PCDHAC1: variants seen among roughly 807,000 people sequenced by gnomAD.
PCDHAC1 encodes the protein protocadherin alpha-C1.
In PCDHAC1, 42 loss-of-function variants were observed where a neutral mutation model predicts 60.0. That is an observed-to-expected ratio of 0.70 (90% CI 0.55 to 0.90). PCDHAC1 has a LOEUF of 0.90. PCDHAC1 is among the 40% of genes least tolerant of loss of function. The pLI, the probability that PCDHAC1 is intolerant of heterozygous loss-of-function variation, is 0.00. For synonymous variants in PCDHAC1, 468 were observed against 499.3 expected (o/e 0.94, Z 0.84); for missense variants, 1,160 against 1,222.3 (o/e 0.95, Z 0.76).
At chr5:141,004,258 A>C (rs1164603441) in intron 3 of PCDHAC1, among the ~76,000 whole-genome samples, 1 of 152,232 alleles carries the variant, frequency 6.6e-6, no homozygotes, top group Non-Finnish European at 1.5e-5. Flanking sequence ...TTTTACTGGA[A>C]TGAGTCACAG....
chr5:140,953,601 C>T (rs1448878513), intron 1 of PCDHAC1, among the ~76,000 whole-genome samples: 3 of 152,014 alleles, frequency 2.0e-5, no homozygotes, highest in Non-Finnish European at 4.4e-5. Flanking sequence ...TTGTTTATTC[C>T]CCAGAGTCCT....
chr5:140,955,001 A>G (rs551398126), intron 1 of PCDHAC1, among the ~76,000 whole-genome samples: 101 of 152,200 alleles, frequency 6.6e-4, no homozygotes, highest in Middle Eastern at 6.8e-3. Flanking sequence ...TGGCTAGCCA[A>G]TTCTCCCAGC....
intron 1 of PCDHAC1, among the ~76,000 whole-genome samples, chr5:140,958,822 A>G (rs1554223658): frequency 6.6e-6 from 1 of 152,146 alleles, no homozygotes; most frequent in Non-Finnish European, 1.5e-5. Context: ...TTTAATTTTT[A>G]TATCTTAAAG....
In PCDHAC1 at chr5:140,928,228, C is replaced by A. The variant is rs376517088; in HGVS notation, c.1336C>A (p.Pro446Thr). The A allele has an allele frequency of 1.2e-6, 2 of 1,614,218 alleles. No individual in the cohort carries two copies. Among genetic ancestry groups the A allele is most frequent in the Admixed American group, 1.7e-5 (1 of 60,020 alleles). The change falls in exon 1 of 4, where the codon CCT becomes ACT. Residue 446 changes from proline to threonine, a missense_variant. By Grantham distance (38) the Pro-to-Thr change is conservative (BLOSUM62 -1). This residue lies in a region of PCDHAC1 where 1,113 missense variants were observed against 1,163.7 expected (regional missense o/e 0.96). Transcript: ENST00000253807. Reference protein sequence around the residue: ...ADVNDNTPNFPQPQQELFVAE... With the variant: ...ADVNDNTPNFTQPQQELFVAE... Reference sequence around the variant, plus strand: ...TGTGAATGACAATACACCAAACTTTCCTCAACCCCAGCAGGAACTTTTCGT... The same window carrying A: ...TGTGAATGACAATACACCAAACTTTACTCAACCCCAGCAGGAACTTTTCGT...
At chr5:140,969,519 G>T in intron 1 of PCDHAC1, 2 of 1,406,074 alleles carry the variant, frequency 1.4e-6, no homozygotes, top group Admixed American at 2.8e-5. Context: ...CTAAAGAATT[G>T]TTTTATTTTT....
At chr5:140,940,101 G>A (rs754155361) in intron 1 of PCDHAC1, among the ~76,000 whole-genome samples, 23 of 152,148 alleles carry the variant, frequency 1.5e-4, no homozygotes, top group Non-Finnish European at 3.2e-4. Flanking sequence ...AACTTTTAGC[G>A]TTATGTATTA....
rs1192658029 is a variant in PCDHAC1 at position 141,011,915 on chromosome 5, A to G, written c.*1978A>G. On this transcript the variant is annotated 3_prime_UTR_variant, in exon 4 of 4. Coordinates refer to ENST00000253807, the MANE Select transcript of PCDHAC1 (RefSeq NM_018898.5). Reference sequence around the variant, plus strand: ...ATATTATCTATTTAGGCATTAATATAAAAGAGGTAGGAGTCTGTTATTTAA... The same window carrying G: ...ATATTATCTATTTAGGCATTAATATGAAAGAGGTAGGAGTCTGTTATTTAA... 1 of 153,728 alleles carries G rather than the reference A, an allele frequency of 6.5e-6. No homozygotes were observed. Among genetic ancestry groups the G allele is most frequent in the Admixed American group, 6.5e-5 (1 of 15,286 alleles). 9.5% of individuals were successfully genotyped at this position (153,728 alleles called of 1,614,324 possible). A position where few individuals can be genotyped will look rare whatever the true frequency, so the allele number is the denominator to read the frequency against.
Position 140,928,007 on chromosome 5 carries a change from A to G in PCDHAC1, c.1115A>G (p.Asn372Ser). The change falls in exon 1 of 4, where the codon AAT becomes AGT. Residue 372 changes from asparagine to serine, a missense_variant. Transcript: ENST00000253807. ...FSVKDEDLDS[N>S]GRVICGMSSA... is the part of the protein sequence containing the mutation. ...GTAAAGGATGAAGACCTCGATTCTA[A>G]TGGTAGGGTCATTTGTGGCATGTCT... The G allele has an allele frequency of 1.9e-6, 3 of 1,614,116 alleles. No homozygotes were observed. Among genetic ancestry groups the G allele is most frequent in the Non-Finnish European group, 2.5e-6 (3 of 1,180,026 alleles).
Position 140,929,287 on chromosome 5 carries a change from C to T in PCDHAC1, c.2395C>T (p.Arg799Trp), listed in dbSNP as rs782325052. Residue 799 changes from arginine (R) to tryptophan (W), a missense_variant, in exon 1 of 4, where the codon CGG becomes TGG. This residue lies in a region of PCDHAC1 where 1,113 missense variants were observed against 1,163.7 expected (regional missense o/e 0.96). Transcript: ENST00000253807. Reference protein sequence around the residue: ...LNLPISCIQIRNRKGDHANVN... With the variant: ...LNLPISCIQIWNRKGDHANVN... The stretch of plus-strand genomic sequence containing the variant: ...TTTGCCAATATCCTGTATTCAGATT[C>T]GGAATAGGAAAGGGGATCACGCTAA... 13 of 1,598,668 alleles carry T rather than the reference C, an allele frequency of 8.1e-6. No homozygotes were observed. In the East Asian group the frequency reaches 2.5e-4, roughly 30 times the overall value.
intron 1 of PCDHAC1, among the ~76,000 whole-genome samples, chr5:140,941,907 CT>C (rs1379926904): frequency 7.2e-5 from 11 of 152,106 alleles, no homozygotes; most frequent in African/African-American, 2.7e-4. Context: ...CATTGAAATG[CT>C]TTTATGTATA....
At chr5:140,991,614 A>G (rs1554252334) in intron 3 of PCDHAC1, among the ~76,000 whole-genome samples, 2 of 152,194 alleles carry the variant, frequency 1.3e-5, no homozygotes, top group Non-Finnish European at 2.9e-5. Flanking sequence ...AGCACCTTTA[A>G]TGCCATATTT....
chr5:140,954,282 T>C (rs1554221335), intron 1 of PCDHAC1, among the ~76,000 whole-genome samples: 1 of 152,220 alleles, frequency 6.6e-6, no homozygotes. Context: ...TGATTTATAT[T>C]CCTTTGGGTA....
intron 1 of PCDHAC1, among the ~76,000 whole-genome samples, chr5:140,941,438 C>G (rs1408570275): frequency 6.6e-6 from 1 of 150,766 alleles, no homozygotes; most frequent in East Asian, 1.9e-4. Flanking sequence ...GCCTCAGCCT[C>G]GGGAGTAGCT....
At chr5:141,005,018 T>C (rs2098193299) in intron 3 of PCDHAC1, among the ~76,000 whole-genome samples, 1 of 152,250 alleles carries the variant, frequency 6.6e-6, no homozygotes, top group Non-Finnish European at 1.5e-5. Flanking sequence ...AGCTGCATTA[T>C]ATATAATTGC....
In PCDHAC1 at chr5:141,011,141, A is replaced by T. The variant is rs1039778930; in HGVS notation, c.*1204A>T. ...ACAATTATGTGCACTTTGATACACA[A>T]CCTTCTCTAACCAACTATATATCAA... is the stretch of plus-strand genomic sequence containing the variant. On this transcript the variant is annotated 3_prime_UTR_variant, in exon 4 of 4. Transcript: ENST00000253807. 2.6e-5 allele frequency: 4 copies of T among 153,668 alleles called. No homozygotes were observed. The highest frequency in any genetic ancestry group is 4.4e-5 in the Non-Finnish European group (3 of 68,036). The allele number at this position is 153,668 out of a possible 1,614,324, so 9.5% of individuals were successfully genotyped here. A position where few individuals can be genotyped will look rare whatever the true frequency, so the allele number is the denominator to read the frequency against.
chr5:140,980,216 G>A (rs1554241518), intron 2 of PCDHAC1, among the ~76,000 whole-genome samples: 1 of 152,190 alleles, frequency 6.6e-6, no homozygotes, highest in African/African-American at 2.4e-5. Flanking sequence ...GCTTTTGCCT[G>A]CATCTGAGCT....
intron 3 of PCDHAC1, among the ~76,000 whole-genome samples, chr5:140,993,386 A>C (rs1435793353): frequency 6.6e-6 from 1 of 151,354 alleles, no homozygotes; most frequent in Non-Finnish European, 1.5e-5. Flanking sequence ...GGGTCCCTGA[A>C]ACTCCATCAT....
intron 3 of PCDHAC1, among the ~76,000 whole-genome samples, chr5:140,994,222 CTA>C (rs1219184690): frequency 6.6e-6 from 1 of 152,168 alleles, no homozygotes; most frequent in Non-Finnish European, 1.5e-5. Context: ...CAGGGTCTGT[CTA>C]TGTTATAATC....
chr5:140,943,257 C>CAAAAA (rs1238620023), intron 1 of PCDHAC1, among the ~76,000 whole-genome samples: 3 of 77,348 alleles, frequency 3.9e-5, no homozygotes, highest in Non-Finnish European at 5.0e-5. Context: ...GACTCTGTCT[C>CAAAAA]AAAAAAAAAA....
Sources: gnomAD v4.1 joint callset for allele counts (sites outside exome capture counted in the v4.1 genomes callset) on GRCh38, gnomAD v4.1.1 for gene constraint, gnomAD v4.1.1 regional missense constraint, MANE v1.5 for transcripts, NCBI Gene and HGNC (gene_info 2026-07-23, HGNC 2026-07-21) for gene names.